The following UCK2 variants were observed in gnomAD, a reference collection of about 807,000 sequenced individuals.
The protein encoded by UCK2 is uridine-cytidine kinase 2.
Under a neutral mutation model 30.8 loss-of-function variants are expected in UCK2, and 6 were observed. The observed-to-expected ratio is 0.19, with a 90% CI of 0.11 to 0.38. UCK2 has a LOEUF of 0.38. UCK2 is among the 10% of genes least tolerant of loss of function. The pLI is 1.00. For missense variants in UCK2, 210 were observed against 339.8 expected (o/e 0.62, Z 3.00); for synonymous variants, 125 against 133.6 (o/e 0.94, Z 0.45).
chr1:165,829,237 G>A (rs1002425578), intron 1 of UCK2, among the ~76,000 whole-genome samples: 4 of 152,300 alleles, frequency 2.6e-5, no homozygotes, highest in South Asian at 2.1e-4. Context: ...TTTCTGTTCT[G>A]TGTGCTCCCT....
Position 165,910,556 on chromosome 1 carries a change from T to A in UCK2, c.*2733T>A, listed in dbSNP as rs1331843601. ...ACAGGAAGGCCTGGCCTCTCACTCC[T>A]TCACACTAATGAGCCTTCTACTGAC... On this transcript the variant is annotated 3_prime_UTR_variant, in exon 7 of 7. Coordinates refer to ENST00000367879, the MANE Select transcript of UCK2 (RefSeq NM_012474.5). The A allele has an allele frequency of 1.3e-5, 2 of 152,324 alleles. No individual in the cohort carries two copies. The highest frequency in any genetic ancestry group is 2.9e-5 in the Non-Finnish European group (2 of 68,140). 9.4% of individuals were successfully genotyped at this position (152,324 alleles called of 1,614,324 possible).
intron 1 of UCK2, among the ~76,000 whole-genome samples, chr1:165,850,712 G>A (rs1478940907): frequency 1.3e-5 from 2 of 149,518 alleles, no homozygotes; most frequent in Non-Finnish European, 3.0e-5. Flanking sequence ...TCCGCCTCCC[G>A]TGTTCACGCC....
intron 1 of UCK2, among the ~76,000 whole-genome samples, chr1:165,848,778 C>T (rs988059282): frequency 1.3e-5 from 2 of 152,212 alleles, no homozygotes; most frequent in Admixed American, 6.5e-5. Context: ...CTGCCCTTCA[C>T]GTCTTTATTC....
At chr1:165,874,434 G>C (rs920691305) in intron 1 of UCK2, among the ~76,000 whole-genome samples, 1 of 152,166 alleles carries the variant, frequency 6.6e-6, no homozygotes, top group Non-Finnish European at 1.5e-5. Flanking sequence ...GAAGCATGCT[G>C]CTACCTTTTG....
At chr1:165,906,228 T>A (rs1432809753) in intron 6 of UCK2, among the ~76,000 whole-genome samples, 1 of 152,212 alleles carries the variant, frequency 6.6e-6, no homozygotes, top group Non-Finnish European at 1.5e-5. Flanking sequence ...TACCTTTTAC[T>A]ATCACTTCCC....
chr1:165,835,950 C>T (rs561584826), intron 1 of UCK2, among the ~76,000 whole-genome samples: 28 of 152,250 alleles, frequency 1.8e-4, no homozygotes, highest in Middle Eastern at 6.8e-3. Flanking sequence ...TGGATACTGC[C>T]GGGCGCGGTG....
intron 1 of UCK2, among the ~76,000 whole-genome samples, chr1:165,880,396 G>A (rs370488274): frequency 2.0e-5 from 3 of 152,114 alleles, no homozygotes; most frequent in Non-Finnish European, 4.4e-5. Context: ...GCCTCTTAAC[G>A]CTCAAGTAAA....
rs1654910318 is a variant in UCK2, at chr1:165,861,662, AC to A, written c.100-28541del. Reference sequence around the variant, plus strand: ...AAAAAAAAAAAAACAAAAAAAAACAACAGTAAAACTCAATAGCTCTGGTTTA... The same window carrying A: ...AAAAAAAAAAAAACAAAAAAAAACAAAGTAAAACTCAATAGCTCTGGTTTA... On this transcript the variant is annotated intron_variant, in intron 1 of 6. Transcript: ENST00000367879. Among the ~76,000 whole-genome samples the A allele has an allele frequency of 1.1e-4, 12 of 107,172 alleles. 1 individual carries two copies. The highest frequency in any genetic ancestry group is 3.2e-4 in the South Asian group (1 of 3,108). The allele number at this position is 107,172 out of a possible 152,430, so 70.3% of individuals were successfully genotyped here.
chr1:165,872,178 G>A (rs1005904156), intron 1 of UCK2, among the ~76,000 whole-genome samples: 8 of 152,122 alleles, frequency 5.3e-5, no homozygotes, highest in African/African-American at 1.9e-4. Flanking sequence ...AGGTTCAAGC[G>A]ATTCTCCTGC....
chr1:165,853,300 G>C (rs1170391114), intron 1 of UCK2, among the ~76,000 whole-genome samples: 2 of 152,054 alleles, frequency 1.3e-5, no homozygotes, highest in Non-Finnish European at 2.9e-5. Flanking sequence ...AAAGTGAAAG[G>C]AGAAATATAT....
intron 1 of UCK2, among the ~76,000 whole-genome samples, chr1:165,859,166 G>A (rs1571276237): frequency 6.6e-6 from 1 of 150,652 alleles, no homozygotes; most frequent in East Asian, 1.9e-4. Flanking sequence ...TGAACTTGGG[G>A]CAGGTGTTCT....
chr1:165,870,446 G>A (rs186287331), intron 1 of UCK2, among the ~76,000 whole-genome samples: 6 of 147,916 alleles, frequency 4.1e-5, no homozygotes, highest in African/African-American at 1.5e-4. Flanking sequence ...CTGGCTACAG[G>A]GTTCTCATTT....
intron 1 of UCK2, 98 bp downstream of exon 1, chr1:165,828,030 C>A (rs1478794474): frequency 2.2e-6 from 2 of 926,566 alleles, no homozygotes; most frequent in African/African-American, 3.5e-5. Flanking sequence ...CGGCAGCCAC[C>A]GCGTGGCCCG....
chr1:165,869,787 C>T (rs1019613096), intron 1 of UCK2, among the ~76,000 whole-genome samples: 10 of 149,858 alleles, frequency 6.7e-5, no homozygotes, highest in Non-Finnish European at 1.3e-4. Flanking sequence ...TTCCAAAGTG[C>T]TGGGATTATA....
chr1:165,830,410 C>T (rs1043348336), intron 1 of UCK2, among the ~76,000 whole-genome samples: 3 of 151,798 alleles, frequency 2.0e-5, no homozygotes, highest in South Asian at 2.1e-4. Context: ...CTGCAAGCTC[C>T]GCCTCCCGGG....
intron 1 of UCK2, among the ~76,000 whole-genome samples, chr1:165,837,445 C>T (rs983920785): frequency 1.3e-5 from 2 of 152,178 alleles, no homozygotes; most frequent in Non-Finnish European, 2.9e-5. Flanking sequence ...CGTTTGCTAA[C>T]ATTCATCTCA....
At position 165,827,718 on chromosome 1, in the gene UCK2, C is replaced by T. The variant is rs980601595; in HGVS notation, c.-116C>T. 21 of 989,072 alleles carry T rather than the reference C, an allele frequency of 2.1e-5. No homozygotes were observed. Among genetic ancestry groups the T allele is most frequent in the Non-Finnish European group, 2.6e-5 (20 of 754,960 alleles). The allele number at this position is 989,072 out of a possible 1,614,324, so 61.3% of individuals were successfully genotyped here. On this transcript the variant is annotated 5_prime_UTR_variant, in exon 1 of 7. Coordinates refer to ENST00000367879, the MANE Select transcript of UCK2 (RefSeq NM_012474.5). The stretch of plus-strand genomic sequence containing the variant: ...CGGCTCGCAGGCGAGCGACAGCGGC[C>T]TCAGCCCCGGCAGCGCCCAGCGGCG...
At chr1:165,896,395 G>A in intron 4 of UCK2, 63 bp downstream of exon 4, 2 of 1,590,278 alleles carry the variant, frequency 1.3e-6, no homozygotes, top group Admixed American at 1.7e-5. Context: ...GGAGCTGGGA[G>A]CCTGTGACAG....
At chr1:165,846,096 A>G (rs1654441542) in intron 1 of UCK2, among the ~76,000 whole-genome samples, 1 of 152,208 alleles carries the variant, frequency 6.6e-6, no homozygotes, top group Non-Finnish European at 1.5e-5. Flanking sequence ...GTTCCAGACC[A>G]GCCTGAGCAA....
Sources: gnomAD v4.1 joint callset for allele counts (sites outside exome capture counted in the v4.1 genomes callset) on GRCh38, gnomAD v4.1.1 for gene constraint, MANE v1.5 for transcripts, NCBI Gene and HGNC (gene_info 2026-07-23, HGNC 2026-07-21) for gene names.